PTH1R: variants seen among roughly 807,000 people sequenced by gnomAD.
PTH1R encodes parathyroid hormone/parathyroid hormone-related peptide receptor.
PTH1R carries 32 observed loss-of-function variants against 70.7 expected under a neutral mutation model. The observed-to-expected ratio is 0.45, with a 90% CI of 0.34 to 0.61. The LOEUF (loss-of-function observed/expected upper bound fraction) is 0.61, where lower values mean the gene tolerates loss of function less well. Among genes scored for constraint, PTH1R ranks in the 20% least tolerant of loss-of-function variants. The pLI is 0.01. For synonymous variants in PTH1R, 329 were observed against 324.8 expected, an observed-to-expected ratio of 1.01 and a Z score of -0.14; for missense variants, 626 against 792.5, an observed-to-expected ratio of 0.79 and a Z score of 2.52.
intron 6 of PTH1R, 23 bp from the exon 7 acceptor site, chr3:46,898,051 C>T: frequency 1.2e-6 from 2 of 1,613,664 alleles, no homozygotes; most frequent in Non-Finnish European, 8.5e-7. Context: ...CCCTGCCGGC[C>T]CTGACCTCCC....
chr3:46,901,914 GTACCA>G lies in PTH1R; in HGVS notation c.1211+56_1211+60del. On this transcript the variant is annotated intron_variant, in intron 13 of 15. Transcript: ENST00000449590. The surrounding 1 kb of genome is among the most constrained non-coding windows in gnomAD (Gnocchi z 7.3). ...GCTCCTCAGGGGTCCCTGAGTCCTG[GTACCA>G]TGTACCCCAGGAAAGACAGTGGCCC... 6.7e-7 allele frequency: 1 copy of G among 1,486,748 alleles called. No homozygotes were observed. Among genetic ancestry groups the G allele is most frequent in the Non-Finnish European group, 9.4e-7 (1 of 1,066,016 alleles). The allele number at this position is 1,486,748 out of a possible 1,614,324, so 92.1% of individuals were successfully genotyped here.
At position 46,895,758 on chromosome 3, in the gene PTH1R, G is replaced by A; in HGVS notation, c.202G>A (p.Gly68Arg). ...AGCCAGCATAATGGAATCAGACAAG[G>A]GATGGACATCTGCGTCCACATCAGG... ...RPASIMESDK[G>R]WTSASTSGKP... The change falls in exon 5 of 16, where the codon GGA becomes AGA. Residue 68 changes from glycine to arginine, a missense_variant. Transcript: ENST00000449590. 6.2e-7 allele frequency: 1 copy of A among 1,614,122 alleles called. No homozygotes were observed. Among genetic ancestry groups the A allele is most frequent in the South Asian group, 1.1e-5 (1 of 91,076 alleles).
chr3:46,899,482 G>T, intron 10 of PTH1R, 26 bp downstream of exon 10: 1 of 1,603,794 alleles, frequency 6.2e-7, no homozygotes. Flanking sequence ...GGGTAGCGAG[G>T]TGCCGGCAGG....
chr3:46,883,479 C>G lies in PTH1R; in HGVS notation c.-48-33C>G, dbSNP rs1239035051. ...CCGGGGCGTGGGCGGGGCGGCCAGC[C>G]TGACGCAGCTCTGCACCCCCTACCA... On this transcript the variant is annotated intron_variant, in intron 2 of 15. Coordinates refer to ENST00000449590, the MANE Select transcript of PTH1R (RefSeq NM_000316.3). The surrounding 1 kb of genome is among the most constrained non-coding windows in gnomAD (Gnocchi z 6.4). The G allele has an allele frequency of 4.1e-6, 5 of 1,211,838 alleles. No individual in the cohort carries two copies. The East Asian group carries it at 1.6e-4, about 39-fold the overall frequency. The allele number at this position is 1,211,838 out of a possible 1,614,324, so 75.1% of individuals were successfully genotyped here. A position where few individuals can be genotyped will look rare whatever the true frequency, so the allele number is the denominator to read the frequency against.
At position 46,883,428 on chromosome 3, in the gene PTH1R, C is replaced by A. The variant is rs1332637922; in HGVS notation, c.-48-84C>A. On this transcript the variant is annotated intron_variant, in intron 2 of 15. Transcript: ENST00000449590. The surrounding 1 kb of genome is among the most constrained non-coding windows in gnomAD (Gnocchi z 6.4). ...CCGCGCCGGGCCCCGGGGCCTCGGGCCGCCGGGACGCCGGGGTCCCATAGG... is the reference window on the plus strand; with the variant it reads ...CCGCGCCGGGCCCCGGGGCCTCGGGACGCCGGGACGCCGGGGTCCCATAGG... 55 of 663,160 alleles carry A rather than the reference C, an allele frequency of 8.3e-5. No individual in the cohort carries two copies. The highest frequency in any genetic ancestry group is 7.2e-5 in the South Asian group (1 of 13,888). The allele number at this position is 663,160 out of a possible 1,614,324, so 41.1% of individuals were successfully genotyped here.
At chr3:46,894,365 T>C (rs934109084) in intron 4 of PTH1R, among the ~76,000 whole-genome samples, 4 of 151,404 alleles carry the variant, frequency 2.6e-5, no homozygotes. Flanking sequence ...TCTGCAGGGG[T>C]TGAGGCTGGT....
Position 46,903,261 on chromosome 3 carries a change from T to G in PTH1R, c.1396-9T>G, listed in dbSNP as rs2032238319. The G allele has an allele frequency of 3.1e-6, 5 of 1,612,276 alleles. No homozygotes were observed. The South Asian group carries it at 5.5e-5, about 18-fold the overall frequency. ...ACACACCTGACTGCCGCACCCTTAC[T>G]GCCCCAAGGTACAAGCTGAGATCAA... On this transcript the variant is annotated splice_polypyrimidine_tract_variant and intron_variant, in intron 15 of 15. Coordinates refer to ENST00000449590, the MANE Select transcript of PTH1R (RefSeq NM_000316.3). The surrounding 1 kb of genome is among the most constrained non-coding windows in gnomAD (Gnocchi z 4.4).
At chr3:46,887,714 C>T (rs2031127293) in intron 3 of PTH1R, among the ~76,000 whole-genome samples, 1 of 152,134 alleles carries the variant, frequency 6.6e-6, no homozygotes, top group African/African-American at 2.4e-5. Flanking sequence ...TAGGGCTCTG[C>T]CACATACATA....
In PTH1R at chr3:46,882,270, A is replaced by T. The variant is rs1429307997; in HGVS notation, c.-49+1152A>T. ...AAGGGGAGCGGCAGACGCCGAGGCG[A>T]GGGATGCGCGCGGCGGGCGGTGGCT... On this transcript the variant is annotated intron_variant, in intron 2 of 15. Coordinates refer to ENST00000449590, the MANE Select transcript of PTH1R (RefSeq NM_000316.3). This position sits in a 1 kb window ranked among gnomAD's most constrained non-coding sequence, Gnocchi z 4.3. The T allele has an allele frequency of 3.3e-5, 5 of 150,874 alleles. No homozygotes were observed. The highest frequency in any genetic ancestry group is 1.2e-4 in the African/African-American group (5 of 40,896). The allele number at this position is 150,874 out of a possible 1,614,324, so 9.3% of individuals were successfully genotyped here. A position where few individuals can be genotyped will look rare whatever the true frequency, so the allele number is the denominator to read the frequency against.
In PTH1R at chr3:46,903,607, C is replaced by A. The variant is rs764725522; in HGVS notation, c.1733C>A (p.Pro578His). The A allele has an allele frequency of 6.2e-7, 1 of 1,613,292 alleles. No homozygotes were observed. The highest frequency in any genetic ancestry group is 1.1e-5 in the South Asian group (1 of 91,076). The change falls in exon 16 of 16, where the codon CCT becomes CAT. Residue 578 changes from proline to histidine, a missense_variant. By Grantham distance (77) the Pro-to-His change is moderately conservative (BLOSUM62 -2). This residue lies in a region of PTH1R where 495 missense variants were observed against 638.7 expected (regional missense o/e 0.77). Transcript: ENST00000449590. This position sits in a 1 kb window ranked among gnomAD's most constrained non-coding sequence, Gnocchi z 4.4. ...CSGLDEEASG[P>H]ERPPALLQEE... is the part of the protein sequence containing the mutation. ...GGCCTGGACGAGGAGGCCTCTGGGCCTGAGCGGCCACCTGCCCTGCTACAG... is the reference window on the plus strand; with the variant it reads ...GGCCTGGACGAGGAGGCCTCTGGGCATGAGCGGCCACCTGCCCTGCTACAG...
chr3:46,898,515 G>T, intron 8 of PTH1R, 43 bp downstream of exon 8: 1 of 1,608,566 alleles, frequency 6.2e-7, no homozygotes, highest in East Asian at 2.2e-5. Context: ...TGGTGGAGGG[G>T]GGGCGGTGGC....
At chr3:46,890,393 G>A (rs2031336940) in intron 3 of PTH1R, among the ~76,000 whole-genome samples, 1 of 151,958 alleles carries the variant, frequency 6.6e-6, no homozygotes, top group Non-Finnish European at 1.5e-5. Flanking sequence ...GTGACTTGCT[G>A]CTGCTGCTGC....
intron 4 of PTH1R, among the ~76,000 whole-genome samples, chr3:46,895,084 CAAACAAACAA>C (rs1559533308): frequency 2.3e-5 from 3 of 127,776 alleles, no homozygotes; most frequent in Non-Finnish European, 4.9e-5. Context: ...ACAAAAAAAA[CAAACAAACAA>C]AAAAAAAAAA....
At position 46,891,828 on chromosome 3, in the gene PTH1R, G is replaced by A. The variant is rs2031429372; in HGVS notation, c.76-2079G>A. On this transcript the variant is annotated intron_variant, in intron 3 of 15. Transcript: ENST00000449590. This position sits in a 1 kb window ranked among gnomAD's most constrained non-coding sequence, Gnocchi z 4.3. ...TAACGGTGATGCCAGTGGTGGTGGT[G>A]GTAGTACTGGGAGGGACTGGTGATG... Among the ~76,000 whole-genome samples the A allele has an allele frequency of 6.6e-6, 1 of 152,120 alleles. No individual in the cohort carries two copies. The highest frequency in any genetic ancestry group is 1.5e-5 in the Non-Finnish European group (1 of 68,014).
intron 3 of PTH1R, among the ~76,000 whole-genome samples, chr3:46,888,905 C>T (rs964336038): frequency 1.3e-5 from 2 of 152,244 alleles, no homozygotes; most frequent in Admixed American, 6.5e-5. Flanking sequence ...CTCTTCCCCC[C>T]CAGCCCCTCC....
At position 46,898,788 on chromosome 3, in the gene PTH1R, CCT is replaced by C; in HGVS notation, c.767_768del (p.Leu256HisfsTer142). ...GCGCCACGCTTGATGAGGCTGAGCG[CCT>C]CACCGAGGAGGAGCTGCGCGCCATC... ...SGATLDEAER[L>X]TEEELRAIAQ... On this transcript the variant is annotated frameshift_variant, in exon 9 of 16. Transcript: ENST00000449590. LOFTEE classifies it high-confidence loss of function. The C allele has an allele frequency of 6.3e-7, 1 of 1,599,978 alleles. No individual in the cohort carries two copies. Among genetic ancestry groups the C allele is most frequent in the Non-Finnish European group, 8.5e-7 (1 of 1,177,384 alleles).
intron 3 of PTH1R, among the ~76,000 whole-genome samples, chr3:46,885,200 G>T (rs2030936921): frequency 6.6e-6 from 1 of 152,130 alleles, no homozygotes; most frequent in African/African-American, 2.4e-5. Flanking sequence ...GTTCATCTGG[G>T]TCTGTGTGAT....
Position 46,883,585 on chromosome 3 carries a change from GC to G in PTH1R, c.28del (p.Leu10TrpfsTer23). MGTARIAP[G>X]LALLLCCPVL... The stretch of plus-strand genomic sequence containing the variant: ...ATGGGGACCGCCCGGATCGCACCCG[GC>G]CTGGCGCTCCTGCTCTGCTGCCCCG... On this transcript the variant is annotated frameshift_variant, in exon 3 of 16. Transcript: ENST00000449590. LOFTEE classifies it high-confidence loss of function. This position sits in a 1 kb window ranked among gnomAD's most constrained non-coding sequence, Gnocchi z 6.4. 1.3e-6 allele frequency: 2 copies of G among 1,540,628 alleles called. No homozygotes were observed. The highest frequency in any genetic ancestry group is 1.7e-6 in the Non-Finnish European group (2 of 1,146,432).
Position 46,898,510 on chromosome 3 carries a change from GA to G in PTH1R, c.638+39del, listed in dbSNP as rs747945038. ...GGGCGAGAGGCGGCGGGACATGGTGGAGGGGGGGCGGTGGCCGAGGTCTGAT... is the reference window on the plus strand; with the variant it reads ...GGGCGAGAGGCGGCGGGACATGGTGGGGGGGGGCGGTGGCCGAGGTCTGAT... On this transcript the variant is annotated intron_variant, in intron 8 of 15. Coordinates refer to ENST00000449590, the MANE Select transcript of PTH1R (RefSeq NM_000316.3). The G allele has an allele frequency of 2.9e-5, 46 of 1,605,288 alleles. No individual in the cohort carries two copies. The African/African-American group carries it at 5.1e-4, about 18-fold the overall frequency.
Sources: allele counts gnomAD v4.1 joint callset (sites outside exome capture counted in the v4.1 genomes callset), GRCh38; gene constraint gnomAD v4.1.1; regional missense constraint gnomAD v4.1.1; non-coding constraint Gnocchi (gnomAD v3.1); transcripts MANE v1.5; gene names NCBI Gene and HGNC (gene_info 2026-07-23, HGNC 2026-07-21).